The following NELL2 variants were observed in gnomAD, a reference collection of about 807,000 sequenced individuals.
The protein encoded by NELL2 is neural EGFL like 2.
NELL2 carries 41 observed loss-of-function variants against 109.6 expected under a neutral mutation model. The observed-to-expected ratio is 0.37, with a 90% confidence interval of 0.29 to 0.49. The LOEUF is 0.49. NELL2 is among the 20% of genes least tolerant of loss of function. NELL2 has a pLI of 0.98. For missense variants in NELL2, 900 were observed against 1,008.3 expected (o/e 0.89, Z 1.45); for synonymous variants, 355 against 344.7 (o/e 1.03, Z -0.33).
intron 3 of NELL2, among the ~76,000 whole-genome samples, chr12:44,810,926 T>G (rs1022137302): frequency 6.6e-6 from 1 of 152,150 alleles, no homozygotes; most frequent in African/African-American, 2.4e-5. Flanking sequence ...AATGATATTT[T>G]AATGTCTCAT....
At chr12:44,921,735 T>C (rs1478745322) in intron 1 of NELL2, 1 of 152,132 alleles carries the variant, frequency 6.6e-6, no homozygotes, top group Non-Finnish European at 1.5e-5. Flanking sequence ...GCAGACAATA[T>C]TAGTGACCCT....
intron 13 of NELL2, among the ~76,000 whole-genome samples, chr12:44,633,227 T>C (rs1946519218): frequency 6.6e-6 from 1 of 152,178 alleles, no homozygotes; most frequent in South Asian, 2.1e-4. Context: ...CCTGTAGGTA[T>C]TTAGGTCACT....
At chr12:44,568,183 T>C (rs913322166) in intron 15 of NELL2, among the ~76,000 whole-genome samples, 1 of 152,020 alleles carries the variant, frequency 6.6e-6, no homozygotes, top group Non-Finnish European at 1.5e-5. Context: ...CACTCTATGG[T>C]TTGGTGGCAG....
intron 12 of NELL2, among the ~76,000 whole-genome samples, chr12:44,682,837 G>T (rs914705079): frequency 8.5e-5 from 13 of 152,224 alleles, no homozygotes; most frequent in Non-Finnish European, 1.3e-4. Flanking sequence ...TAGTATAGTT[G>T]GAAGTCAGGT....
intron 1 of NELL2, among the ~76,000 whole-genome samples, chr12:44,893,598 A>G (rs1479974168): frequency 6.6e-6 from 1 of 152,134 alleles, no homozygotes; most frequent in Non-Finnish European, 1.5e-5. Flanking sequence ...TCCTCATTGC[A>G]TATCAGGAGT....
intron 9 of NELL2, among the ~76,000 whole-genome samples, chr12:44,737,144 T>C (rs1939694869): frequency 6.6e-6 from 1 of 152,058 alleles, no homozygotes; most frequent in Non-Finnish European, 1.5e-5. Flanking sequence ...ATATTAAAAT[T>C]GGTACTTTTC....
At chr12:44,580,873 A>G (rs1944297989) in intron 15 of NELL2, among the ~76,000 whole-genome samples, 1 of 152,200 alleles carries the variant, frequency 6.6e-6, no homozygotes, top group Admixed American at 6.5e-5. Context: ...CTATTTCTCA[A>G]ATGCAGTTGG....
At chr12:44,580,809 G>A (rs1944296187) in intron 15 of NELL2, among the ~76,000 whole-genome samples, 1 of 151,822 alleles carries the variant, frequency 6.6e-6, no homozygotes, top group South Asian at 2.1e-4. Flanking sequence ...GAAGCCTCAG[G>A]GTATTTTATT....
Position 44,777,639 on chromosome 12 carries a change from A to G in NELL2, c.607-325T>C, listed in dbSNP as rs190900561. On this transcript the variant is annotated intron_variant, in intron 5 of 19. Coordinates refer to ENST00000429094, the MANE Select transcript of NELL2 (RefSeq NM_001145108.2). ...CTGACGGGCTTGAAAATGACCTTTA[A>G]AAAAATCAACCTGATAATAATTTCT... is the stretch of plus-strand genomic sequence containing the variant. 9.9e-4 allele frequency among the ~76,000 whole-genome samples: 151 copies of G among 152,320 alleles called. 3 individuals are homozygous for G. Among genetic ancestry groups the G allele is most frequent in the Middle Eastern group, 3.4e-3 (1 of 294 alleles).
At chr12:44,681,087 AG>A (rs1948481974) in intron 12 of NELL2, among the ~76,000 whole-genome samples, 2 of 151,232 alleles carry the variant, frequency 1.3e-5, no homozygotes, top group South Asian at 4.1e-4. Context: ...CTTTTCTTTT[AG>A]ATGAGATAAG....
At chr12:44,681,094 A>G (rs1050614912) in intron 12 of NELL2, among the ~76,000 whole-genome samples, 2 of 151,048 alleles carry the variant, frequency 1.3e-5, no homozygotes, top group African/African-American at 4.8e-5. Context: ...TTTAGATGAG[A>G]TAAGAAATTT....
chr12:44,834,347 T>C (rs1000241368), intron 2 of NELL2, among the ~76,000 whole-genome samples: 5 of 151,700 alleles, frequency 3.3e-5, no homozygotes, highest in East Asian at 1.9e-4. Context: ...AAAATATAAA[T>C]ATAGTAAAGA....
intron 16 of NELL2, among the ~76,000 whole-genome samples, chr12:44,526,968 A>G (rs1262070795): frequency 6.6e-6 from 1 of 152,152 alleles, no homozygotes; most frequent in Non-Finnish European, 1.5e-5. Flanking sequence ...GTAGTACGGT[A>G]TTTAGAGCTA....
chr12:44,842,901 C>A (rs1944270170), intron 2 of NELL2, among the ~76,000 whole-genome samples: 1 of 151,978 alleles, frequency 6.6e-6, no homozygotes, highest in African/African-American at 2.4e-5. Flanking sequence ...CAAGGAGTGC[C>A]AAGAATTACC....
chr12:44,588,056 C>T (rs577742528), intron 15 of NELL2, among the ~76,000 whole-genome samples: 5 of 151,396 alleles, frequency 3.3e-5, no homozygotes, highest in South Asian at 2.1e-4. Context: ...GAGGCTGAGG[C>T]GGGAGAATGG....
chr12:44,638,717 C>T (rs1412656226), intron 13 of NELL2, among the ~76,000 whole-genome samples: 5 of 152,162 alleles, frequency 3.3e-5, no homozygotes, highest in African/African-American at 1.2e-4. Context: ...ATTGATAACA[C>T]ATCTTGTAAC....
intron 13 of NELL2, among the ~76,000 whole-genome samples, chr12:44,637,271 T>C (rs544284246): frequency 1.3e-5 from 2 of 151,802 alleles, no homozygotes; most frequent in East Asian, 3.9e-4. Context: ...ATCTTAGTTA[T>C]TTCTTGTCTT....
upstream of NELL2, among the ~76,000 whole-genome samples, chr12:44,880,624 A>G (rs922531047): frequency 1.3e-5 from 2 of 152,084 alleles, no homozygotes; most frequent in Middle Eastern, 3.2e-3. Flanking sequence ...AACATTTAAA[A>G]GTTTTCAAAA....
In NELL2 at chr12:44,508,745, T is replaced by C; in HGVS notation, c.*189A>G. 1.7e-6 allele frequency: 1 copy of C among 596,552 alleles called. No homozygotes were observed. The highest frequency in any genetic ancestry group is 4.6e-4 in the Middle Eastern group (1 of 2,168). The allele number at this position is 596,552 out of a possible 1,614,324, so 37.0% of individuals were successfully genotyped here. ...CAGTAGAGGCAGACTTGAGGTCTAATTTTGCCCCAGTAATTTTCCTTTTGT... is the reference window on the plus strand; with the variant it reads ...CAGTAGAGGCAGACTTGAGGTCTAACTTTGCCCCAGTAATTTTCCTTTTGT... On this transcript the variant is annotated 3_prime_UTR_variant, in exon 20 of 20. Coordinates refer to ENST00000429094, the MANE Select transcript of NELL2 (RefSeq NM_001145108.2).
Sources: allele counts gnomAD v4.1 joint callset (sites outside exome capture counted in the v4.1 genomes callset), GRCh38; gene constraint gnomAD v4.1.1; transcripts MANE v1.5; gene names NCBI Gene and HGNC (gene_info 2026-07-23, HGNC 2026-07-21).